KAZN: variants seen among roughly 807,000 people sequenced by gnomAD.
KAZN encodes kazrin.
Under a neutral mutation model 87.4 loss-of-function variants are expected in KAZN, and 40 were observed. That is an observed-to-expected ratio of 0.46 (90% CI 0.36 to 0.60). The LOEUF (loss-of-function observed/expected upper bound fraction) is 0.60. Among genes scored for constraint, KAZN ranks in the 20% least tolerant of loss-of-function variants. KAZN has a pLI of 0.00. For synonymous variants in KAZN, 466 were observed against 458.3 expected (o/e 1.02, Z -0.22); for missense variants, 898 against 1,073.9 (o/e 0.84, Z 2.29).
intron 1 of KAZN, among the ~76,000 whole-genome samples, chr1:14,028,162 T>C (rs140218189): frequency 1.3e-3 from 200 of 150,756 alleles, no homozygotes; most frequent in African/African-American, 4.7e-3. Flanking sequence ...TTCTTCAAGC[T>C]TTGGGGTGCA....
chr1:14,174,821 T>G (rs1278955441), intron 1 of KAZN, among the ~76,000 whole-genome samples: 2 of 152,200 alleles, frequency 1.3e-5, no homozygotes, highest in African/African-American at 4.8e-5. Flanking sequence ...GACACGTGCT[T>G]TATACAATCT....
intron 2 of KAZN, among the ~76,000 whole-genome samples, chr1:14,429,998 C>G (rs989611268): frequency 7.2e-5 from 11 of 152,106 alleles, no homozygotes; most frequent in Admixed American, 6.5e-5. Context: ...CTCACTCCAG[C>G]CACACTGGCT....
At chr1:14,240,594 C>G (rs990844793) in intron 2 of KAZN, among the ~76,000 whole-genome samples, 4 of 152,204 alleles carry the variant, frequency 2.6e-5, no homozygotes, top group African/African-American at 7.2e-5. Flanking sequence ...CTCCATCCCC[C>G]AAGATCCCCA....
intron 5 of KAZN, among the ~76,000 whole-genome samples, chr1:15,057,079 A>G (rs990373871): frequency 2.0e-5 from 3 of 152,210 alleles, no homozygotes; most frequent in Non-Finnish European, 2.9e-5. Context: ...CACAGCCCTG[A>G]CCTACAAGGG....
At chr1:14,095,143 T>C (rs1251286413) in intron 1 of KAZN, among the ~76,000 whole-genome samples, 1 of 152,176 alleles carries the variant, frequency 6.6e-6, no homozygotes, top group Non-Finnish European at 1.5e-5. Context: ...ACCATCACCA[T>C]TCCCTTCCGT....
chr1:13,911,142 G>A (rs12753771), intron 1 of KAZN, among the ~76,000 whole-genome samples: 137 of 152,102 alleles, frequency 9.0e-4, no homozygotes, highest in Non-Finnish European at 1.4e-3. Flanking sequence ...TCCACCTCCC[G>A]GGTTCAAGCA....
At chr1:14,409,544 C>G (rs1209241386) in intron 2 of KAZN, among the ~76,000 whole-genome samples, 2 of 152,078 alleles carry the variant, frequency 1.3e-5, no homozygotes, top group South Asian at 2.1e-4. Flanking sequence ...CCCAGAAGCC[C>G]CAACTTGAAA....
intron 1 of KAZN, among the ~76,000 whole-genome samples, chr1:14,073,881 G>A (rs1163557178): frequency 3.3e-5 from 5 of 152,172 alleles, no homozygotes; most frequent in Non-Finnish European, 7.3e-5. Flanking sequence ...TGTCTTTATA[G>A]TGGAATGATT....
At chr1:14,879,124 T>A (rs974172229) in intron 1 of KAZN, among the ~76,000 whole-genome samples, 14 of 152,224 alleles carry the variant, frequency 9.2e-5, no homozygotes, top group Non-Finnish European at 1.8e-4. Flanking sequence ...ATTTGAGCTC[T>A]GGAGTCAGGA....
chr1:14,082,416 A>G (rs3817944), intron 1 of KAZN, among the ~76,000 whole-genome samples: 15,125 of 152,042 alleles, frequency 0.099, 920 homozygotes, highest in East Asian at 0.13. Context: ...GAGAGCTGAC[A>G]CCCTTCCTTG....
At chr1:14,982,145 G>A (rs1471065643) in intron 2 of KAZN, among the ~76,000 whole-genome samples, 1 of 152,166 alleles carries the variant, frequency 6.6e-6, no homozygotes, top group Non-Finnish European at 1.5e-5. Context: ...TGAGGTCACT[G>A]AGGCTCAGGG....
At chr1:14,179,109 A>G (rs1305429905) in intron 1 of KAZN, among the ~76,000 whole-genome samples, 2 of 152,134 alleles carry the variant, frequency 1.3e-5, no homozygotes, top group East Asian at 1.9e-4. Context: ...CTGGTCATGT[A>G]GAGTTTTATC....
intron 1 of KAZN, among the ~76,000 whole-genome samples, chr1:14,886,572 A>T (rs1654092431): frequency 6.6e-6 from 1 of 152,122 alleles, no homozygotes; most frequent in South Asian, 2.1e-4. Context: ...CAGGCGGATC[A>T]CCTGAGGTCA....
At chr1:14,972,640 G>A (rs1020540540) in intron 2 of KAZN, among the ~76,000 whole-genome samples, 1 of 151,772 alleles carries the variant, frequency 6.6e-6, no homozygotes, top group Non-Finnish European at 1.5e-5. Flanking sequence ...TCAGCCTCCT[G>A]AGTAGCTGGG....
chr1:13,920,037 G>A (rs1640004251), intron 1 of KAZN, among the ~76,000 whole-genome samples: 2 of 152,092 alleles, frequency 1.3e-5, no homozygotes, highest in South Asian at 4.2e-4. Flanking sequence ...GGATCACAAG[G>A]TCAGGAGTTT....
intron 1 of KAZN, among the ~76,000 whole-genome samples, chr1:14,141,225 T>C (rs4661477): frequency 0.55 from 79,793 of 144,816 alleles, 23,275 homozygotes; most frequent in East Asian, 0.74. Context: ...ACTGTTGAAG[T>C]GATTACCATT....
At chr1:14,586,202 C>T (rs576519546) in intron 2 of KAZN, among the ~76,000 whole-genome samples, 56 of 152,340 alleles carry the variant, frequency 3.7e-4, no homozygotes, top group African/African-American at 1.3e-3. Flanking sequence ...CAAAGGAATG[C>T]TTCCTAGTGG....
At chr1:15,031,544 C>T (rs1671696499) in intron 2 of KAZN, among the ~76,000 whole-genome samples, 1 of 82,396 alleles carries the variant, frequency 1.2e-5, no homozygotes, top group Admixed American at 1.3e-4. Flanking sequence ...TTCCAGGCAG[C>T]TACTCAGGGT....
At chr1:14,844,378 G>C (rs1277399791) in intron 1 of KAZN, among the ~76,000 whole-genome samples, 1 of 152,200 alleles carries the variant, frequency 6.6e-6, no homozygotes, top group Non-Finnish European at 1.5e-5. Context: ...CAAGTTAAGA[G>C]CTTGGAATTG....
Sources: allele counts gnomAD v4.1 joint callset (sites outside exome capture counted in the v4.1 genomes callset), GRCh38; gene constraint gnomAD v4.1.1; transcripts MANE v1.5; gene names NCBI Gene and HGNC (gene_info 2026-07-23, HGNC 2026-07-21).